The following ATE1 variants were observed in gnomAD, a reference collection of about 807,000 sequenced individuals.
ATE1 encodes arginyltransferase 1.
ATE1 carries 36 observed loss-of-function variants against 70.5 expected under a neutral mutation model. The ratio of observed to expected loss-of-function variants is 0.51; its 90% CI spans 0.39 to 0.67. ATE1 has a LOEUF of 0.67. Among genes scored for constraint, ATE1 ranks in the 30% least tolerant of loss-of-function variants. The pLI is 0.00. For synonymous variants in ATE1, 232 were observed against 219.3 expected (o/e 1.06, Z -0.51); for missense variants, 593 against 629.5 (o/e 0.94, Z 0.62).
At position 121,927,936 on chromosome 10, in the gene ATE1, G is replaced by A. The variant is rs1440573447; in HGVS notation, c.14C>T (p.Ala5Val). MAFW[A>V]GGSPSVVDYF... ...GTCCACGACGCTGGGCGAACCCCCC[G>A]CCCAGAAAGCCATGGCCTCGGCCCC... is the stretch of plus-strand genomic sequence containing the variant. Residue 5 changes from alanine to valine, a missense_variant, in exon 1 of 12, where the codon GCG becomes GTG. By Grantham distance (64) the Ala-to-Val change is moderately conservative. Transcript: ENST00000224652. The A allele has an allele frequency of 7.0e-6, 11 of 1,570,166 alleles. No homozygotes were observed. The highest frequency in any genetic ancestry group is 1.4e-5 in the African/African-American group (1 of 70,952).
chr10:121,802,927 T>C (rs1041971311), intron 10 of ATE1, among the ~76,000 whole-genome samples: 2 of 152,176 alleles, frequency 1.3e-5, no homozygotes, highest in South Asian at 4.1e-4. Flanking sequence ...AGAAATGTTA[T>C]TACAAAGTAT....
At chr10:121,847,178 G>T (rs926058809) in intron 8 of ATE1, among the ~76,000 whole-genome samples, 5 of 152,196 alleles carry the variant, frequency 3.3e-5, no homozygotes, top group Non-Finnish European at 7.3e-5. Flanking sequence ...GCTGGGCACG[G>T]TGTCTCACGC....
chr10:121,865,074 T>C (rs1026911230), intron 8 of ATE1, among the ~76,000 whole-genome samples: 1 of 152,316 alleles, frequency 6.6e-6, no homozygotes, highest in African/African-American at 2.4e-5. Context: ...CCACATTCTA[T>C]TTCCTTCCTA....
Position 121,899,875 on chromosome 10 carries a change from G to C in ATE1, c.933C>G (p.Thr311=). The C allele has an allele frequency of 4.3e-6, 7 of 1,612,014 alleles. No individual in the cohort carries two copies. Among genetic ancestry groups the C allele is most frequent in the Non-Finnish European group, 5.9e-6 (7 of 1,178,768 alleles). Residue 311 remains threonine (T), a synonymous_variant, in exon 7 of 12, where the codon ACC becomes ACG. Transcript: ENST00000224652. ...VIHKNPPDTP[T]ESQFTRFLCS... is the part of the protein sequence containing the mutation. The stretch of plus-strand genomic sequence containing the variant: ...CACTTGGCCTGCTGACCTGGCTTTC[G>C]GTTGGCGTATCAGGTGGGTTCTTGT...
intron 8 of ATE1, among the ~76,000 whole-genome samples, chr10:121,853,191 C>T (rs12260433): frequency 0.013 from 1,944 of 151,840 alleles, 18 homozygotes; most frequent in Middle Eastern, 0.017. Context: ...GGTGAAACCC[C>T]GTCTCTACTA....
At chr10:121,837,619 C>T (rs909220879) in intron 9 of ATE1, among the ~76,000 whole-genome samples, 6 of 152,226 alleles carry the variant, frequency 3.9e-5, no homozygotes, top group Middle Eastern at 3.4e-3. Context: ...GCAATTGATG[C>T]TTGAAATTCT....
intron 7 of ATE1, chr10:121,898,765 C>T (rs1023064570): frequency 2.0e-6 from 3 of 1,534,118 alleles, no homozygotes; most frequent in African/African-American, 1.4e-5. Context: ...ATCAGCTCCA[C>T]CTGACAAGAA....
chr10:121,867,911 T>TAAA (rs1949718291), intron 8 of ATE1, among the ~76,000 whole-genome samples: 1 of 152,216 alleles, frequency 6.6e-6, no homozygotes, highest in Non-Finnish European at 1.5e-5. Context: ...ATTTAGATTG[T>TAAA]TTACAATTTT....
intron 11 of ATE1, among the ~76,000 whole-genome samples, chr10:121,760,118 T>TA (rs1301728141): frequency 1.3e-5 from 2 of 152,222 alleles, no homozygotes; most frequent in African/African-American, 4.8e-5. Context: ...CCTTACCAAA[T>TA]ACTGCTCACT....
intron 8 of ATE1, among the ~76,000 whole-genome samples, chr10:121,842,564 C>T (rs1336746427): frequency 1.3e-5 from 2 of 151,980 alleles, no homozygotes; most frequent in Non-Finnish European, 2.9e-5. Flanking sequence ...AACACAGATG[C>T]AAAAATCCTC....
At chr10:121,762,218 C>T (rs1409651185) in intron 11 of ATE1, among the ~76,000 whole-genome samples, 1 of 152,160 alleles carries the variant, frequency 6.6e-6, no homozygotes, top group Non-Finnish European at 1.5e-5. Flanking sequence ...CAGGGCAATC[C>T]TTTTTCATTG....
intron 11 of ATE1, among the ~76,000 whole-genome samples, chr10:121,748,652 G>GT (rs1034935913): frequency 0.027 from 3,868 of 142,884 alleles, 122 homozygotes; most frequent in African/African-American, 0.081. Context: ...TAGTTTTTTT[G>GT]TTTTTTTTTT....
intron 4 of ATE1, among the ~76,000 whole-genome samples, chr10:121,911,734 T>C (rs1000735918): frequency 1.3e-5 from 2 of 150,398 alleles, no homozygotes; most frequent in Non-Finnish European, 3.0e-5. Flanking sequence ...CACTGAACTG[T>C]TATGTGAGGA....
At chr10:121,805,781 A>T (rs542769462) in intron 10 of ATE1, among the ~76,000 whole-genome samples, 1 of 152,278 alleles carries the variant, frequency 6.6e-6, no homozygotes, top group East Asian at 1.9e-4. Flanking sequence ...AGAACCTACC[A>T]CTGGCAAAAG....
At chr10:121,802,621 T>C (rs1173054873) in intron 10 of ATE1, among the ~76,000 whole-genome samples, 1 of 152,146 alleles carries the variant, frequency 6.6e-6, no homozygotes, top group East Asian at 1.9e-4. Context: ...TACTCCGTTT[T>C]TGAGACCCAA....
At chr10:121,851,447 T>G (rs982753311) in intron 8 of ATE1, among the ~76,000 whole-genome samples, 3 of 152,138 alleles carry the variant, frequency 2.0e-5, no homozygotes, top group African/African-American at 4.8e-5. Flanking sequence ...AAAATAAAAG[T>G]TTCAATGTCT....
chr10:121,773,372 A>C (rs1945600591), intron 11 of ATE1, among the ~76,000 whole-genome samples: 1 of 152,186 alleles, frequency 6.6e-6, no homozygotes, highest in African/African-American at 2.4e-5. Context: ...GATAGGGCAA[A>C]ATTTTATCAT....
At chr10:121,847,343 G>A (rs572296848) in intron 8 of ATE1, among the ~76,000 whole-genome samples, 1 of 152,226 alleles carries the variant, frequency 6.6e-6, no homozygotes, top group Non-Finnish European at 1.5e-5. Context: ...AGTTACTCAG[G>A]AGGCTGATGC....
In ATE1 at chr10:121,911,033, C is replaced by T. The variant is rs926271011; in HGVS notation, c.456G>A (p.Glu152=). ...CTTTCTTTGAATTTTTTCCTTCACT[C>T]TCTAAACTCTCTTTGATGTCATCAC... ...TLSDDIKESL[E]SEGKNSKKEE... Residue 152 remains glutamate, a synonymous_variant, in exon 5 of 12, where the codon GAG becomes GAA. Transcript: ENST00000224652. The T allele has an allele frequency of 3.7e-6, 6 of 1,613,902 alleles. No homozygotes were observed. The Middle Eastern group carries it at 8.2e-4, about 222-fold the overall frequency.
Sources: gnomAD v4.1 joint callset for allele counts (sites outside exome capture counted in the v4.1 genomes callset) on GRCh38, gnomAD v4.1.1 for gene constraint, MANE v1.5 for transcripts, NCBI Gene and HGNC (gene_info 2026-07-23, HGNC 2026-07-21) for gene names.